Variants in CCDC195 observed in about 807,000 individuals in gnomAD.
CCDC195 encodes the protein coiled-coil domain containing 195.
chr2:224,705,299 C>T (rs1449905233), intron 2 of CCDC195, among the ~76,000 whole-genome samples: 1 of 152,150 alleles, frequency 6.6e-6, no homozygotes, highest in Non-Finnish European at 1.5e-5. Context: ...CTAATTTTAA[C>T]TGTTTATATG....
At chr2:224,707,284 G>C (rs145963240) in intron 2 of CCDC195, among the ~76,000 whole-genome samples, 1 of 152,306 alleles carries the variant, frequency 6.6e-6, no homozygotes, top group Non-Finnish European at 1.5e-5. Context: ...TAAATCCAGA[G>C]TCACTGGAAT....
At chr2:224,707,948 C>T (rs1046292100) in intron 2 of CCDC195, among the ~76,000 whole-genome samples, 1 of 146,522 alleles carries the variant, frequency 6.8e-6, no homozygotes, top group South Asian at 2.3e-4. Context: ...TTCTTTTCTT[C>T]TCTTTACCTC....
At chr2:224,714,649 A>AC (rs1689359974) in intron 1 of CCDC195, among the ~76,000 whole-genome samples, 1 of 152,024 alleles carries the variant, frequency 6.6e-6, no homozygotes, top group Non-Finnish European at 1.5e-5. Context: ...AGGTTGAGAA[A>AC]CCCTCAACTA....
At chr2:224,710,367 G>C (rs187087926) in intron 1 of CCDC195, 148 bp from the exon 2 acceptor site, 1 of 391,008 alleles carries the variant, frequency 2.6e-6, no homozygotes, top group East Asian at 3.6e-5. Context: ...ATTTGGCCTG[G>C]CGCGGTGGCT....
chr2:224,709,945 C>A, intron 2 of CCDC195, 28 bp downstream of exon 2: 2 of 398,570 alleles, frequency 5.0e-6, no homozygotes, highest in South Asian at 2.6e-4. Flanking sequence ...TGGGCCTATT[C>A]ACCAGCTTGA....
intron 2 of CCDC195, among the ~76,000 whole-genome samples, chr2:224,707,881 A>T (rs1689233854): frequency 6.6e-6 from 1 of 151,328 alleles, no homozygotes; most frequent in Admixed American, 6.6e-5. Flanking sequence ...TTTATTGGTA[A>T]CTTTCTTTCT....
At chr2:224,703,953 AT>A (rs531691140) in intron 2 of CCDC195, 66 bp from the exon 3 acceptor site, 151 of 397,788 alleles carry the variant, frequency 3.8e-4, no homozygotes, top group African/African-American at 2.5e-3. Flanking sequence ...AACATTGATG[AT>A]TTTTCCCCCC....
intron 2 of CCDC195, among the ~76,000 whole-genome samples, chr2:224,706,189 CTTTTTTTTTTTTTTTTTTTT>C (rs201012911): frequency 6.0e-5 from 2 of 33,362 alleles, no homozygotes; most frequent in South Asian, 2.0e-3. Context: ...TATTTTGTAA[CTTTTTTTTTTTTTTTTTTTT>C]TTTTTTTTTT....
chr2:224,707,493 T>C (rs1481834003), intron 2 of CCDC195, among the ~76,000 whole-genome samples: 2 of 152,258 alleles, frequency 1.3e-5, no homozygotes, highest in Non-Finnish European at 2.9e-5. Flanking sequence ...CTCCCTTCTT[T>C]ATTCAGATGG....
At chr2:224,715,760 T>C (rs554208759) in intron 1 of CCDC195, among the ~76,000 whole-genome samples, 3 of 152,232 alleles carry the variant, frequency 2.0e-5, no homozygotes, top group African/African-American at 7.2e-5. Context: ...GCAGTACTGT[T>C]CCAGCCTTAT....
chr2:224,705,128 C>T (rs1574755015), intron 2 of CCDC195, among the ~76,000 whole-genome samples: 1 of 152,102 alleles, frequency 6.6e-6, no homozygotes, highest in Non-Finnish European at 1.5e-5. Context: ...TAACTTTCTC[C>T]AAGGCCACAT....
At chr2:224,707,204 A>G (rs116047614) in intron 2 of CCDC195, among the ~76,000 whole-genome samples, 3,727 of 141,398 alleles carry the variant, frequency 0.026, 172 homozygotes, top group African/African-American at 0.091. Context: ...ATTTTTCACA[A>G]TAGGGTTTCC....
intron 2 of CCDC195, among the ~76,000 whole-genome samples, chr2:224,704,589 C>CTT (rs34251679): frequency 1.6e-4 from 20 of 126,746 alleles, no homozygotes; most frequent in Admixed American, 8.0e-4. Context: ...ACAGCTGCAC[C>CTT]TTTTTTTTTT....
intron 1 of CCDC195, among the ~76,000 whole-genome samples, chr2:224,711,545 A>G (rs1689320325): frequency 6.6e-6 from 1 of 151,994 alleles, no homozygotes; most frequent in African/African-American, 2.4e-5. Context: ...AGTGTTGTCC[A>G]TGTGGCTTAC....
chr2:224,715,431 G>C (rs2124855914), intron 1 of CCDC195, among the ~76,000 whole-genome samples: 1 of 152,296 alleles, frequency 6.6e-6, no homozygotes, highest in East Asian at 1.9e-4. Flanking sequence ...CATCGACTCT[G>C]TATCTTGAAG....
chr2:224,715,416 T>C (rs1689367525), intron 1 of CCDC195, among the ~76,000 whole-genome samples: 1 of 152,026 alleles, frequency 6.6e-6, no homozygotes, highest in Non-Finnish European at 1.5e-5. Context: ...TTAGAATATA[T>C]CAAACATCGA....
intron 1 of CCDC195, among the ~76,000 whole-genome samples, chr2:224,711,361 G>GT (rs563860657): frequency 0.44 from 60,374 of 137,988 alleles, 12,600 homozygotes; most frequent in East Asian, 0.48. Flanking sequence ...AATCTTCCCT[G>GT]TTTTTTTTTT....
chr2:224,712,352 C>T (rs1689326786), intron 1 of CCDC195, among the ~76,000 whole-genome samples: 1 of 152,222 alleles, frequency 6.6e-6, no homozygotes, highest in African/African-American at 2.4e-5. Flanking sequence ...CAAGGTTCCA[C>T]AGGGCAAGAG....
At chr2:224,710,246 TA>T (rs1302224724) in intron 1 of CCDC195, 27 bp from the exon 2 acceptor site, 3 of 398,514 alleles carry the variant, frequency 7.5e-6, no homozygotes, top group Non-Finnish European at 8.8e-6. Context: ...AAATCCAACT[TA>T]AAAAAATTCT....
Sources: gnomAD v4.1 joint callset for allele counts (sites outside exome capture counted in the v4.1 genomes callset) on GRCh38, gnomAD v4.1.1 for gene constraint, MANE v1.5 for transcripts, NCBI Gene and HGNC (gene_info 2026-07-23, HGNC 2026-07-21) for gene names.